Variants in CADM2 observed in about 807,000 individuals in gnomAD.
The protein encoded by CADM2 is immunoglobulin superfamily member 4D.
Under a neutral mutation model 49.8 loss-of-function variants are expected in CADM2, and 12 were observed. The observed-to-expected ratio is 0.24, with a 90% CI of 0.15 to 0.39. The LOEUF (loss-of-function observed/expected upper bound fraction) is 0.39. Ranked by LOEUF, CADM2 falls within the 10% of genes least tolerant of loss-of-function variation. The pLI is 1.00. For missense variants in CADM2, 378 were observed against 492.3 expected (o/e 0.77, Z 2.20); for synonymous variants, 214 against 175.4 (o/e 1.22, Z -1.74).
chr3:85,642,045 A>C (rs1280198691), intron 1 of CADM2, among the ~76,000 whole-genome samples: 1 of 152,202 alleles, frequency 6.6e-6, no homozygotes, highest in East Asian at 1.9e-4. Context: ...CACAGGCCTC[A>C]GATTAAAATT....
intron 3 of CADM2, among the ~76,000 whole-genome samples, chr3:85,833,809 G>T (rs1393065238): frequency 6.6e-6 from 1 of 151,474 alleles, no homozygotes; most frequent in Non-Finnish European, 1.5e-5. Flanking sequence ...GATGGTTCCA[G>T]CTTTGTTCTT....
At chr3:85,154,779 A>G (rs2040049363) in intron 1 of CADM2, among the ~76,000 whole-genome samples, 1 of 145,652 alleles carries the variant, frequency 6.9e-6, no homozygotes, top group Admixed American at 6.8e-5. Flanking sequence ...AGTGGGGGCC[A>G]ATATTCAACA....
chr3:85,943,329 C>T (rs1355332279), intron 7 of CADM2, among the ~76,000 whole-genome samples: 1 of 136,932 alleles, frequency 7.3e-6, no homozygotes, highest in South Asian at 2.4e-4. Flanking sequence ...TGCAGAAGGT[C>T]TTTAGTTTAA....
intron 1 of CADM2, among the ~76,000 whole-genome samples, chr3:85,373,198 A>G (rs186376353): frequency 6.6e-6 from 1 of 152,258 alleles, no homozygotes; most frequent in Admixed American, 6.5e-5. Context: ...TATTTTCTAG[A>G]TACGATGGGG....
intron 1 of CADM2, among the ~76,000 whole-genome samples, chr3:85,075,613 T>C (rs978972468): frequency 3.3e-5 from 5 of 152,206 alleles, no homozygotes; most frequent in African/African-American, 1.2e-4. Flanking sequence ...GTTCTTATTG[T>C]TGTTTTACTA....
chr3:85,757,096 A>T (rs1162839502), intron 2 of CADM2, among the ~76,000 whole-genome samples: 1 of 152,106 alleles, frequency 6.6e-6, no homozygotes, highest in Non-Finnish European at 1.5e-5. Context: ...TTGGCTGTTT[A>T]TGGCCTTATA....
chr3:85,100,222 A>G (rs560814794), intron 1 of CADM2, among the ~76,000 whole-genome samples: 27 of 152,340 alleles, frequency 1.8e-4, no homozygotes, highest in Admixed American at 1.4e-3. Flanking sequence ...TGTACTACCA[A>G]AGTGATTTTT....
intron 8 of CADM2, among the ~76,000 whole-genome samples, chr3:86,041,596 C>A (rs1165509559): frequency 6.6e-6 from 1 of 152,052 alleles, no homozygotes; most frequent in Non-Finnish European, 1.5e-5. Context: ...TCCTTAGAGA[C>A]CCACAAAGAG....
At chr3:85,318,198 A>T (rs774469870) in intron 1 of CADM2, among the ~76,000 whole-genome samples, 14 of 151,448 alleles carry the variant, frequency 9.2e-5, no homozygotes, top group East Asian at 1.9e-4. Context: ...AAAAGAAAAA[A>T]ATATATATAT....
intron 1 of CADM2, among the ~76,000 whole-genome samples, chr3:85,576,838 T>C (rs1160715197): frequency 1.3e-5 from 2 of 152,186 alleles, no homozygotes; most frequent in Non-Finnish European, 2.9e-5. Flanking sequence ...ACCTAGACTA[T>C]ACCACCCTCC....
intron 1 of CADM2, among the ~76,000 whole-genome samples, chr3:85,069,256 T>A (rs775691655): frequency 9.2e-5 from 14 of 152,114 alleles, no homozygotes; most frequent in Non-Finnish European, 1.6e-4. Flanking sequence ...TTAATTATAA[T>A]TATAGAATTA....
intron 1 of CADM2, among the ~76,000 whole-genome samples, chr3:85,361,688 A>G (rs979190643): frequency 1.3e-5 from 2 of 152,168 alleles, no homozygotes; most frequent in Non-Finnish European, 2.9e-5. Context: ...TTATCATTGC[A>G]AAGCGTCCTG....
chr3:85,665,820 C>G (rs1223009284), intron 1 of CADM2, among the ~76,000 whole-genome samples: 1 of 151,962 alleles, frequency 6.6e-6, no homozygotes, highest in Non-Finnish European at 1.5e-5. Context: ...CGTTTCCAAC[C>G]TCATCCCAAT....
At chr3:85,432,142 G>A (rs2036710118) in intron 1 of CADM2, among the ~76,000 whole-genome samples, 1 of 151,676 alleles carries the variant, frequency 6.6e-6, no homozygotes, top group Non-Finnish European at 1.5e-5. Flanking sequence ...TGAAGAACAT[G>A]GATACTGGCA....
intron 1 of CADM2, among the ~76,000 whole-genome samples, chr3:85,357,993 C>T (rs2032016766): frequency 6.6e-6 from 1 of 152,058 alleles, no homozygotes; most frequent in South Asian, 2.1e-4. Flanking sequence ...ATTGCATGGC[C>T]AACCTTTATG....
intron 8 of CADM2, chr3:86,013,588 C>A: frequency 6.2e-7 from 1 of 1,601,324 alleles, no homozygotes; most frequent in South Asian, 1.1e-5. Context: ...CGAGAAGAAA[C>A]TCTCAGGGAA....
At chr3:85,319,360 T>A (rs536845137) in intron 1 of CADM2, among the ~76,000 whole-genome samples, 1 of 152,320 alleles carries the variant, frequency 6.6e-6, no homozygotes, top group South Asian at 2.1e-4. Flanking sequence ...ATAAATTAGC[T>A]CATCCACTGT....
At chr3:86,020,573 A>C (rs1391981589) in intron 8 of CADM2, among the ~76,000 whole-genome samples, 3 of 151,484 alleles carry the variant, frequency 2.0e-5, no homozygotes, top group Admixed American at 2.0e-4. Flanking sequence ...ATGAACATTG[A>C]TGCAAAAATC....
At chr3:85,764,282 T>C (rs1050362430) in intron 2 of CADM2, among the ~76,000 whole-genome samples, 11 of 152,094 alleles carry the variant, frequency 7.2e-5, no homozygotes, top group African/African-American at 2.4e-4. Context: ...TTTAATGATA[T>C]AGTTAAAAAT....
Sources: gnomAD v4.1 joint callset for allele counts (sites outside exome capture counted in the v4.1 genomes callset) on GRCh38, gnomAD v4.1.1 for gene constraint, MANE v1.5 for transcripts, NCBI Gene and HGNC (gene_info 2026-07-23, HGNC 2026-07-21) for gene names.